Variants in RFX6 observed in about 807,000 individuals in gnomAD.
RFX6 encodes the protein DNA-binding protein RFX6.
In RFX6, 50 loss-of-function variants were observed where a neutral mutation model predicts 110.8. That is an observed-to-expected ratio of 0.45 (90% confidence interval 0.36 to 0.57). The LOEUF is 0.57. Ranked by LOEUF, RFX6 falls within the 20% of genes least tolerant of loss-of-function variation. The pLI, the probability that RFX6 is intolerant of heterozygous loss-of-function variation, is 0.00. For synonymous variants in RFX6, 383 were observed against 411.2 expected (o/e 0.93, Z 0.83); for missense variants, 990 against 1,127.0 (o/e 0.88, Z 1.74).
chr6:116,923,151 C>T lies in RFX6; in HGVS notation c.1482C>T (p.Asp494=). The change falls in exon 14 of 19, where the codon GAC becomes GAT. Residue 494 remains aspartate (D), a synonymous_variant. Coordinates refer to ENST00000332958, the MANE Select transcript of RFX6 (RefSeq NM_173560.4). ...GGTCATTAAAGAAGAGAGCTCAAGA[C>T]TTTCTGTTAAAGTGGAGTTTTTTTG... The part of the protein sequence containing the change: ...NGRSLKKRAQ[D]FLLKWSFFGA... 1 of 1,609,964 alleles carries T rather than the reference C, an allele frequency of 6.2e-7. No individual in the cohort carries two copies. Among genetic ancestry groups the T allele is most frequent in the South Asian group, 1.1e-5 (1 of 90,994 alleles).
intron 4 of RFX6, among the ~76,000 whole-genome samples, chr6:116,886,569 A>G (rs1445433260): frequency 1.3e-5 from 2 of 152,164 alleles, no homozygotes; most frequent in Non-Finnish European, 2.9e-5. Flanking sequence ...TGTGGTGTCT[A>G]TTTTCAAGTT....
At chr6:116,923,632 T>C in intron 14 of RFX6, 1 of 214,606 alleles carries the variant, frequency 4.7e-6, no homozygotes, top group Admixed American at 5.3e-5. Context: ...GACATTATTT[T>C]CCAAAGTTAT....
At chr6:116,883,451 T>C (rs138983449) in intron 4 of RFX6, among the ~76,000 whole-genome samples, 1 of 152,276 alleles carries the variant, frequency 6.6e-6, no homozygotes, top group African/African-American at 2.4e-5. Context: ...TGGCCACATA[T>C]TTAATTCAAA....
At chr6:116,911,168 T>C (rs1775341247) in intron 7 of RFX6, 126 bp downstream of exon 7, 1 of 700,978 alleles carries the variant, frequency 1.4e-6, no homozygotes, top group African/African-American at 1.8e-5. Context: ...AATTGACTGA[T>C]TTATAGGAGA....
chr6:116,924,802 A>G lies in RFX6; in HGVS notation c.1678+11A>G. On this transcript the variant is annotated intron_variant, in intron 15 of 18. Coordinates refer to ENST00000332958, the MANE Select transcript of RFX6 (RefSeq NM_173560.4). ...ATATGAAGAATTCAGGTAACTTAAAATAACTGTTTTGTTTTGCATATTTCT... is the reference window on the plus strand; with the variant it reads ...ATATGAAGAATTCAGGTAACTTAAAGTAACTGTTTTGTTTTGCATATTTCT... 6.4e-7 allele frequency: 1 copy of G among 1,555,790 alleles called. No homozygotes were observed. Among genetic ancestry groups the G allele is most frequent in the Non-Finnish European group, 8.9e-7 (1 of 1,127,418 alleles).
intron 4 of RFX6, among the ~76,000 whole-genome samples, chr6:116,891,547 T>C (rs1051712689): frequency 2.8e-4 from 43 of 152,354 alleles, no homozygotes; most frequent in African/African-American, 9.4e-4. Context: ...ACAACATCTT[T>C]CCATTCTAAT....
chr6:116,893,993 T>C lies in RFX6; in HGVS notation c.573T>C (p.His191=), dbSNP rs1774885881. ...RLGTRGHSKY[H]YYGIGIKESS... ...GTTCCTGTCTTTGCTCTAGGTATCA[T>C]TACTATGGGATTGGCATCAAAGAGA... is the stretch of plus-strand genomic sequence containing the variant. The change falls in exon 5 of 19, where the codon CAT becomes CAC. Residue 191 remains histidine (H), a synonymous_variant. Coordinates refer to ENST00000332958, the MANE Select transcript of RFX6 (RefSeq NM_173560.4). The C allele has an allele frequency of 6.3e-7, 1 of 1,586,900 alleles. No individual in the cohort carries two copies. The highest frequency in any genetic ancestry group is 1.7e-5 in the Admixed American group (1 of 59,960).
intron 6 of RFX6, among the ~76,000 whole-genome samples, chr6:116,896,628 C>A (rs1774950881): frequency 6.6e-6 from 1 of 152,060 alleles, no homozygotes; most frequent in South Asian, 2.1e-4. Context: ...ATCACTTGAG[C>A]CCTAGAGGCT....
At chr6:116,895,645 TACACACACACAC>T (rs146991192) in intron 6 of RFX6, among the ~76,000 whole-genome samples, 2 of 147,940 alleles carry the variant, frequency 1.4e-5, no homozygotes, top group Admixed American at 6.8e-5. Context: ...CTACTTTGTG[TACACACACACAC>T]ACACACACAC....
At chr6:116,878,087 A>G (rs1774504935) in intron 2 of RFX6, 135 bp downstream of exon 2, 1 of 916,762 alleles carries the variant, frequency 1.1e-6, no homozygotes, top group Non-Finnish European at 1.7e-6. Context: ...TTAGAATTTA[A>G]CCCAGAATTT....
rs181790924 is a variant in RFX6 at position 116,913,942 on chromosome 6, T to C, written c.781-2066T>C. ...TCTCTTTTTGCTAAAGACATTTGAA[T>C]TGTTCTCTTCTAGCTACTTTGAATA... On this transcript the variant is annotated intron_variant, in intron 7 of 18. Transcript: ENST00000332958. 4.2e-3 allele frequency among the ~76,000 whole-genome samples: 646 copies of C among 152,340 alleles called. 2 individuals are homozygous for C. The highest frequency in any genetic ancestry group is 4.4e-3 in the Non-Finnish European group (300 of 68,032).
Position 116,925,501 on chromosome 6 carries a change from C to A in RFX6, c.1727C>A (p.Ala576Asp), listed in dbSNP as rs1213718933. Residue 576 changes from alanine (A) to aspartate (D), a missense_variant, in exon 16 of 19, where the codon GCC becomes GAC. Around this residue, in one of 5 missense-constraint regions of RFX6, gnomAD observed 438 missense variants for 441.9 expected, o/e 0.99. Transcript: ENST00000332958. ...GCTTCTCCGAGTTCATGCTTTCTGG[C>A]CAACCGTAATAAAGGGAGCATGGTT... The part of the protein sequence containing the change: ...FTASPSSCFL[A>D]NRNKGSMVSS... 1 of 1,614,118 alleles carries A rather than the reference C, an allele frequency of 6.2e-7. No homozygotes were observed. The highest frequency in any genetic ancestry group is 1.3e-5 in the African/African-American group (1 of 75,048).
rs1774859393 is a variant in RFX6 at position 116,892,747 on chromosome 6, G to C, written c.567-1240G>C. On this transcript the variant is annotated intron_variant, in intron 4 of 18. Coordinates refer to ENST00000332958, the MANE Select transcript of RFX6 (RefSeq NM_173560.4). ...GTAACTTGTCAATGTAAGAGGACAG[G>C]AATATTTTTGTTAGCTGTTCATTAG... 2.0e-5 allele frequency among the ~76,000 whole-genome samples: 3 copies of C among 152,200 alleles called. No individual in the cohort carries two copies. The South Asian group carries it at 6.2e-4, about 31-fold the overall frequency.
At chr6:116,926,940 T>C (rs923285463) in intron 16 of RFX6, 87 bp from the exon 17 acceptor site, 59 of 1,246,138 alleles carry the variant, frequency 4.7e-5, no homozygotes, top group Middle Eastern at 1.9e-4. Context: ...AAACAATACA[T>C]TAATAAATCT....
intron 11 of RFX6, 75 bp downstream of exon 11, chr6:116,919,371 G>A: frequency 7.4e-7 from 1 of 1,356,348 alleles, no homozygotes; most frequent in South Asian, 1.2e-5. Flanking sequence ...ACAGATTGAG[G>A]AACTTTCATA....
chr6:116,891,154 T>G (rs900011710), intron 4 of RFX6, among the ~76,000 whole-genome samples: 1 of 152,214 alleles, frequency 6.6e-6, no homozygotes, highest in Non-Finnish European at 1.5e-5. Context: ...ATGGAGGAAT[T>G]TGGAAATATG....
intron 13 of RFX6, among the ~76,000 whole-genome samples, chr6:116,922,700 G>T (rs1249622468): frequency 6.6e-6 from 1 of 152,062 alleles, no homozygotes; most frequent in East Asian, 1.9e-4. Context: ...ATAGTTTGGA[G>T]ACTTTTTTCC....
At chr6:116,901,991 G>T in intron 6 of RFX6, among the ~76,000 whole-genome samples, 1 of 152,042 alleles carries the variant, frequency 6.6e-6, no homozygotes, top group Non-Finnish European at 1.5e-5. Flanking sequence ...ACAATGGAGT[G>T]CTATACTGCT....
intron 6 of RFX6, among the ~76,000 whole-genome samples, chr6:116,906,350 C>T (rs546589136): frequency 6.6e-6 from 1 of 152,144 alleles, no homozygotes; most frequent in African/African-American, 2.4e-5. Context: ...TACCCAGGGT[C>T]CCTTGAGATT....
Sources: allele counts gnomAD v4.1 joint callset (sites outside exome capture counted in the v4.1 genomes callset), GRCh38; gene constraint gnomAD v4.1.1; regional missense constraint gnomAD v4.1.1; transcripts MANE v1.5; gene names NCBI Gene and HGNC (gene_info 2026-07-23, HGNC 2026-07-21).